COL4A6: variants seen among roughly 807,000 people sequenced by gnomAD.
COL4A6 encodes collagen alpha-6(IV) chain.
A neutral mutation model predicts 126.7 loss-of-function variants in COL4A6; 59 were observed. That is an observed-to-expected ratio of 0.47 (90% CI 0.38 to 0.58). The LOEUF (loss-of-function observed/expected upper bound fraction) is 0.58, where lower values mean the gene tolerates loss of function less well. Ranked by LOEUF, COL4A6 falls within the 20% of genes least tolerant of loss-of-function variation. The pLI is 0.00. For missense variants in COL4A6, 1,285 were observed against 1,337.3 expected (o/e 0.96, Z 0.61); for synonymous variants, 547 against 496.6 (o/e 1.10, Z -1.35).
rs763195874 is a variant in COL4A6, at chrX:108,165,085, T to C, written c.3809-47A>G. 5.3e-6 allele frequency: 6 copies of C among 1,124,294 alleles called. No individual in the cohort carries two copies. In the Admixed American group the frequency reaches 1.4e-4, roughly 27 times the overall value. The allele number at this position is 1,124,294 out of a possible 1,213,427, so 92.7% of individuals were successfully genotyped here. On this transcript the variant is annotated intron_variant, in intron 38 of 44. Transcript: ENST00000334504. ...GGGCGAGGGGCAGGTGAACAGGTAGTAGCCACTGCAGAAGGCCTAGGGACT... is the reference window on the plus strand; with the variant it reads ...GGGCGAGGGGCAGGTGAACAGGTAGCAGCCACTGCAGAAGGCCTAGGGACT...
chrX:108,205,318 G>A, intron 11 of COL4A6, 121 bp downstream of exon 11: 1 of 595,146 alleles, frequency 1.7e-6, no homozygotes. Context: ...TGTGGGTTGG[G>A]AAATATTCAT....
Position 108,219,699 on chromosome X carries a change from G to T in COL4A6, c.323C>A (p.Pro108Gln). Residue 108 changes from proline (P) to glutamine (Q), a missense_variant and splice_region_variant, in exon 5 of 45, where the codon CCG becomes CAG. Transcript: ENST00000334504. ...AAATTCATCTGTGGACACACTCACCGGAATCCCATTGATGCCAAGAAAGCC... is the reference window on the plus strand; with the variant it reads ...AAATTCATCTGTGGACACACTCACCTGAATCCCATTGATGCCAAGAAAGCC... ...VPGFLGINGI[P>Q]GHPGQPGPRG... The T allele has an allele frequency of 8.3e-7, 1 of 1,207,814 alleles. No homozygotes were observed. The highest frequency in any genetic ancestry group is 1.1e-6 in the Non-Finnish European group (1 of 892,218).
chrX:108,176,194 G>A (rs751510034), intron 28 of COL4A6, among the ~76,000 whole-genome samples: 10 of 109,214 alleles, frequency 9.2e-5, no homozygotes, highest in Non-Finnish European at 1.1e-4. Context: ...GCGTGGTAGC[G>A]GGTGCCTATA....
At chrX:108,408,556 A>C (rs1205966569) in intron 2 of COL4A6, among the ~76,000 whole-genome samples, 1 of 112,140 alleles carries the variant, frequency 8.9e-6, no homozygotes, top group African/African-American at 3.2e-5. Context: ...GATCAAGTTG[A>C]ATTATACACC....
At chrX:108,385,912 C>T (rs1274398389) in intron 2 of COL4A6, among the ~76,000 whole-genome samples, 1 of 108,365 alleles carries the variant, frequency 9.2e-6, no homozygotes, top group Admixed American at 9.8e-5. Context: ...TGTTCCCCTC[C>T]CTGTGTCCAT....
intron 5 of COL4A6, 46 bp downstream of exon 5, chrX:108,219,652 A>G: frequency 8.8e-7 from 1 of 1,130,953 alleles, no homozygotes; most frequent in Non-Finnish European, 1.2e-6. Flanking sequence ...AATATGAGGC[A>G]GAACCTAAAG....
chrX:108,218,090 C>T (rs368301273), intron 5 of COL4A6, among the ~76,000 whole-genome samples: 32 of 112,120 alleles, frequency 2.9e-4, no homozygotes, highest in South Asian at 1.1e-3. Flanking sequence ...ACTCTGGGGC[C>T]GTTTCCAGCT....
At chrX:108,244,309 A>C (rs1465795584) in intron 3 of COL4A6, among the ~76,000 whole-genome samples, 1 of 111,604 alleles carries the variant, frequency 9.0e-6, no homozygotes, top group Non-Finnish European at 1.9e-5. Flanking sequence ...AAAGACTTTT[A>C]TAGCAAAATC....
chrX:108,320,243 A>C (rs1306206408), intron 2 of COL4A6, among the ~76,000 whole-genome samples: 2 of 111,812 alleles, frequency 1.8e-5, no homozygotes, highest in Non-Finnish European at 3.8e-5. Flanking sequence ...ATGTGGCAGG[A>C]CTGCAAGGCA....
intron 5 of COL4A6, among the ~76,000 whole-genome samples, chrX:108,219,465 T>C (rs2035951272): frequency 8.9e-6 from 1 of 111,767 alleles, no homozygotes; most frequent in Admixed American, 9.5e-5. Flanking sequence ...AAGATATTGA[T>C]GTTATGGCTA....
intron 2 of COL4A6, among the ~76,000 whole-genome samples, chrX:108,427,155 C>A (rs2064101446): frequency 8.9e-6 from 1 of 111,747 alleles, no homozygotes; most frequent in Non-Finnish European, 1.9e-5. Flanking sequence ...TAGGTAAATG[C>A]TCTGAGGAGT....
intron 2 of COL4A6, among the ~76,000 whole-genome samples, chrX:108,340,676 T>C (rs1392243697): frequency 9.0e-6 from 1 of 111,120 alleles, no homozygotes; most frequent in African/African-American, 3.3e-5. Context: ...GAATGATGTT[T>C]CATATCATTT....
intron 3 of COL4A6, among the ~76,000 whole-genome samples, chrX:108,254,837 CA>C (rs1180626964): frequency 9.1e-6 from 1 of 109,721 alleles, no homozygotes; most frequent in Non-Finnish European, 1.9e-5. Flanking sequence ...GAGTACATGC[CA>C]GGAATGTGGT....
chrX:108,181,021 C>A, intron 23 of COL4A6, 53 bp from the exon 24 acceptor site: 1 of 998,396 alleles, frequency 1.0e-6, no homozygotes, highest in Non-Finnish European at 1.4e-6. Flanking sequence ...GGGAAGATTT[C>A]TCCCTAGTAC....
chrX:108,181,019 T>A, intron 23 of COL4A6, 51 bp from the exon 24 acceptor site: 3 of 1,032,845 alleles, frequency 2.9e-6, no homozygotes, highest in Non-Finnish European at 4.1e-6. Flanking sequence ...TAGGGAAGAT[T>A]TCTCCCTAGT....
intron 3 of COL4A6, among the ~76,000 whole-genome samples, 178 bp downstream of exon 3, chrX:108,310,570 G>A (rs2038737136): frequency 8.9e-6 from 1 of 112,363 alleles, no homozygotes; most frequent in African/African-American, 3.2e-5. Flanking sequence ...ACCTCAGAGA[G>A]TTTGACCAAT....
Position 108,176,945 on chromosome X carries a change from A to T in COL4A6, c.2582T>A (p.Leu861Gln). Residue 861 changes from leucine (L) to glutamine (Q), a missense_variant, in exon 28 of 45, where the codon CTG (leucine) becomes CAG (glutamine). Transcript: ENST00000334504. ...GPPGSIVKKG[L>Q]PGLKGLPGNP... ...TCCAGGAAGGCCTTTTAGCCCTGGC[A>T]GCCCTTTCTTTACAATTGATCCAGG... 8.3e-7 allele frequency: 1 copy of T among 1,211,811 alleles called. No individual in the cohort carries two copies. The highest frequency in any genetic ancestry group is 1.8e-5 in the South Asian group (1 of 56,986).
In COL4A6 at chrX:108,205,436, T is replaced by C. The variant is rs2035519372; in HGVS notation, c.687+3A>G. ...CAGACTGTATTTTTTAAAAGCTGTT[T>C]ACCTTGACTCCTTTCTCTCCTTGAA... is the stretch of plus-strand genomic sequence containing the variant. On this transcript the variant is annotated splice_donor_region_variant and intron_variant, in intron 11 of 44. Transcript: ENST00000334504. 8.4e-7 allele frequency: 1 copy of C among 1,194,904 alleles called. No individual in the cohort carries two copies. Among genetic ancestry groups the C allele is most frequent in the South Asian group, 1.8e-5 (1 of 56,312 alleles).
At chrX:108,199,927 A>G (rs2035339113) in intron 13 of COL4A6, among the ~76,000 whole-genome samples, 1 of 112,006 alleles carries the variant, frequency 8.9e-6, no homozygotes, top group Admixed American at 9.5e-5. Context: ...CTGAATTTCA[A>G]TCTCAGCTCT....
Sources: gnomAD v4.1 joint callset for allele counts (sites outside exome capture counted in the v4.1 genomes callset) on GRCh38, gnomAD v4.1.1 for gene constraint, MANE v1.5 for transcripts, NCBI Gene and HGNC (gene_info 2026-07-23, HGNC 2026-07-21) for gene names.